The following KCNQ1 variants were observed in gnomAD, a reference collection of about 807,000 sequenced individuals.
KCNQ1 encodes potassium voltage-gated channel subfamily Q member 1.
In KCNQ1, 49 loss-of-function variants were observed where a neutral mutation model predicts 72.4. The observed-to-expected ratio is 0.68, with a 90% CI of 0.54 to 0.86. The LOEUF is 0.86. Among genes scored for constraint, KCNQ1 ranks in the 40% least tolerant of loss-of-function variants. The probability of loss-of-function intolerance (pLI) is 0.00; values close to 1 mark genes in which losing one functional copy is unlikely to be tolerated. For missense variants in KCNQ1, 790 were observed against 945.1 expected (o/e 0.84, Z 2.15); for synonymous variants, 450 against 412.6 (o/e 1.09, Z -1.10).
rs1422057435 is a variant in KCNQ1, at chr11:2,537,291, C to T, written c.477+9273C>T. Among the ~76,000 whole-genome samples the T allele has an allele frequency of 6.6e-6, 1 of 152,090 alleles. No homozygotes were observed. The highest frequency in any genetic ancestry group is 1.5e-5 in the Non-Finnish European group (1 of 68,040). On this transcript the variant is annotated intron_variant, in intron 2 of 15. Transcript: ENST00000155840. The surrounding 1 kb of genome is among the most constrained non-coding windows in gnomAD (Gnocchi z 5.2). Reference sequence around the variant, plus strand: ...CAGATTTGAGTCCTGCCATGGAGACCATGCAGCCCACAGGGCCTAAGATTT... The same window carrying T: ...CAGATTTGAGTCCTGCCATGGAGACTATGCAGCCCACAGGGCCTAAGATTT...
Position 2,817,294 on chromosome 11 carries a change from G to C in KCNQ1, c.1795-30473G>C, listed in dbSNP as rs1847635149. ...CAGTCAGATGTTTTTAACTACGTTG[G>C]ACAGAACCCACGGCGGCCCTTTCCG... On this transcript the variant is annotated intron_variant, in intron 15 of 15. Transcript: ENST00000155840. The surrounding 1 kb of genome is among the most constrained non-coding windows in gnomAD (Gnocchi z 6.1). 6.6e-6 allele frequency among the ~76,000 whole-genome samples: 1 copy of C among 152,152 alleles called. No homozygotes were observed. Among genetic ancestry groups the C allele is most frequent in the African/African-American group, 2.4e-5 (1 of 41,432 alleles).
Position 2,682,659 on chromosome 11 carries a change from T to C in KCNQ1, c.1514+20578T>C. On this transcript the variant is annotated intron_variant, in intron 11 of 15. Coordinates refer to ENST00000155840, the MANE Select transcript of KCNQ1 (RefSeq NM_000218.3). The surrounding 1 kb of genome is among the most constrained non-coding windows in gnomAD (Gnocchi z 5.8). ...CATCCCTGCTTCCCCAGGGCTCATG[T>C]CCACATGCTATTGTCCATAGAAGCT... 2.5e-6 allele frequency: 1 copy of C among 398,660 alleles called. No homozygotes were observed. Among genetic ancestry groups the C allele is most frequent in the Non-Finnish European group, 4.4e-6 (1 of 226,094 alleles). 24.7% of individuals were successfully genotyped at this position (398,660 alleles called of 1,614,324 possible).
intron 10 of KCNQ1, chr11:2,631,653 G>C (rs1291917299): frequency 2.5e-6 from 1 of 398,392 alleles, no homozygotes; most frequent in Non-Finnish European, 4.4e-6. Flanking sequence ...TCTGTTTCTT[G>C]TTACAATGAA....
intron 10 of KCNQ1, among the ~76,000 whole-genome samples, chr11:2,591,059 C>G (rs1449076781): frequency 6.6e-6 from 1 of 152,264 alleles, no homozygotes; most frequent in Non-Finnish European, 1.5e-5. Flanking sequence ...CGGACCTCTT[C>G]CCAGTGCCTG....
Position 2,744,264 on chromosome 11 carries a change from G to A in KCNQ1, c.1515-24580G>A, listed in dbSNP as rs11827607. 2.0e-3 allele frequency among the ~76,000 whole-genome samples: 298 copies of A among 152,368 alleles called. 1 individual carries two copies. The highest frequency in any genetic ancestry group is 6.3e-3 in the African/African-American group (264 of 41,582). The stretch of plus-strand genomic sequence containing the variant: ...TAGTGTCTCTGCTCAAACAGGAGAC[G>A]ATGTGGCATCGGGAACACCAATGCG... On this transcript the variant is annotated intron_variant, in intron 11 of 15. Transcript: ENST00000155840.
At chr11:2,580,812 G>A (rs1752196597) in intron 6 of KCNQ1, among the ~76,000 whole-genome samples, 1 of 152,244 alleles carries the variant, frequency 6.6e-6, no homozygotes, top group Non-Finnish European at 1.5e-5. Flanking sequence ...CCCGGACCCA[G>A]TGCTAGGAGG....
intron 15 of KCNQ1, among the ~76,000 whole-genome samples, chr11:2,810,215 A>T (rs1344365692): frequency 6.6e-6 from 1 of 152,184 alleles, no homozygotes; most frequent in Admixed American, 6.5e-5. Context: ...AGTATCTACC[A>T]TCTGGACTCA....
At position 2,623,027 on chromosome 11, in the gene KCNQ1, G is replaced by T; in HGVS notation, c.1393+34173G>T. The T allele has an allele frequency of 2.5e-6, 1 of 398,600 alleles. No homozygotes were observed. The highest frequency in any genetic ancestry group is 1.3e-4 in the South Asian group (1 of 7,776). 24.7% of individuals were successfully genotyped at this position (398,600 alleles called of 1,614,324 possible). A position where few individuals can be genotyped will look rare whatever the true frequency, so the allele number is the denominator to read the frequency against. ...TTGAACTGTAATCCCCATGTGTCAG[G>T]GGAGGGGCCTGGTGGGGGGCAAACT... On this transcript the variant is annotated intron_variant, in intron 10 of 15. Transcript: ENST00000155840. The surrounding 1 kb of genome is among the most constrained non-coding windows in gnomAD (Gnocchi z 5.2).
intron 11 of KCNQ1, among the ~76,000 whole-genome samples, chr11:2,756,968 A>C (rs1207473508): frequency 1.4e-5 from 2 of 147,836 alleles, no homozygotes; most frequent in Non-Finnish European, 3.0e-5. Context: ...AAAAAAAAAA[A>C]AAAAAAAAAA....
rs1383985926 is a variant in KCNQ1 at position 2,447,214 on chromosome 11, C to T, written c.386+1730C>T. On this transcript the variant is annotated intron_variant, in intron 1 of 15. Coordinates refer to ENST00000155840, the MANE Select transcript of KCNQ1 (RefSeq NM_000218.3). This position sits in a 1 kb window ranked among gnomAD's most constrained non-coding sequence, Gnocchi z 7.6. ...TCTTCCTCATTTGGATTGTTTAGGT[C>T]TCGGAAGTTTGCTCAGCAAGAGTCT... 2.0e-5 allele frequency among the ~76,000 whole-genome samples: 3 copies of T among 152,126 alleles called. No individual in the cohort carries two copies. Among genetic ancestry groups the T allele is most frequent in the African/African-American group, 4.8e-5 (2 of 41,408 alleles).
In KCNQ1 at chr11:2,658,468, C is replaced by G. The variant is rs1311868921; in HGVS notation, c.1394-3493C>G. On this transcript the variant is annotated intron_variant, in intron 10 of 15. Coordinates refer to ENST00000155840, the MANE Select transcript of KCNQ1 (RefSeq NM_000218.3). The surrounding 1 kb of genome is among the most constrained non-coding windows in gnomAD (Gnocchi z 4.9). ...ATGTGTCCTTTTGATGTGCCCCCCG[C>G]CATCCTTTTCATTTATTTTTAAGCA... is the stretch of plus-strand genomic sequence containing the variant. The G allele has an allele frequency of 2.5e-6, 1 of 398,356 alleles. No individual in the cohort carries two copies. The highest frequency in any genetic ancestry group is 3.6e-5 in the East Asian group (1 of 28,080). 24.7% of individuals were successfully genotyped at this position (398,356 alleles called of 1,614,324 possible). A position where few individuals can be genotyped will look rare whatever the true frequency, so the allele number is the denominator to read the frequency against.
chr11:2,569,422 G>C (rs1848293420), intron 2 of KCNQ1, among the ~76,000 whole-genome samples: 1 of 152,238 alleles, frequency 6.6e-6, no homozygotes, highest in Non-Finnish European at 1.5e-5. Flanking sequence ...GCAGTGTCCA[G>C]CTGACTGCTC....
chr11:2,455,100 C>T (rs925542806), intron 1 of KCNQ1, among the ~76,000 whole-genome samples: 1 of 142,314 alleles, frequency 7.0e-6, no homozygotes, highest in Non-Finnish European at 1.5e-5. Flanking sequence ...AAATCAGCAG[C>T]TTTTTTTTTT....
At chr11:2,487,150 G>C (rs939466389) in intron 1 of KCNQ1, among the ~76,000 whole-genome samples, 12 of 152,164 alleles carry the variant, frequency 7.9e-5, no homozygotes, top group Non-Finnish European at 1.6e-4. Context: ...TCATTGAATA[G>C]TCTTGGAACC....
At chr11:2,798,821 G>C (rs888071225) in intron 15 of KCNQ1, among the ~76,000 whole-genome samples, 6 of 152,180 alleles carry the variant, frequency 3.9e-5, no homozygotes, top group Non-Finnish European at 7.3e-5. Flanking sequence ...CGCGTTGTTT[G>C]AACTCTCGCC....
Position 2,623,566 on chromosome 11 carries a change from T to TTTA in KCNQ1, c.1393+34713_1393+34715dup, listed in dbSNP as rs1849210250. ...CCTTATTTCACATAGTAATATGTTT[T>TTTA]TTAATTACCTCCATATCTTTTCATG... is the stretch of plus-strand genomic sequence containing the variant. On this transcript the variant is annotated intron_variant, in intron 10 of 15. Transcript: ENST00000155840. This position sits in a 1 kb window ranked among gnomAD's most constrained non-coding sequence, Gnocchi z 5.2. 1 of 398,606 alleles carries TTTA rather than the reference T, an allele frequency of 2.5e-6. No homozygotes were observed. Among genetic ancestry groups the TTTA allele is most frequent in the Non-Finnish European group, 4.4e-6 (1 of 226,054 alleles). 24.7% of individuals were successfully genotyped at this position (398,606 alleles called of 1,614,324 possible).
At chr11:2,733,822 A>ACTCTCTCT (rs71029156) in intron 11 of KCNQ1, among the ~76,000 whole-genome samples, 1 of 92,424 alleles carries the variant, frequency 1.1e-5, no homozygotes, top group African/African-American at 4.5e-5. Context: ...ACACTCTCTC[A>ACTCTCTCT]CTCTCTCTCT....
intron 1 of KCNQ1, among the ~76,000 whole-genome samples, chr11:2,469,903 G>A (rs1442919886): frequency 1.3e-5 from 2 of 149,498 alleles, no homozygotes; most frequent in African/African-American, 4.9e-5. Flanking sequence ...CTCGTGATCC[G>A]CCCGCCTCAG....
rs918190336 is a variant in KCNQ1, at chr11:2,818,436, C to T, written c.1795-29331C>T. ...TGGTTCAGAGGTCCTCAGAAAGTGC[C>T]AAGAGGCCTTCCTCAGAGGAAGAGC... On this transcript the variant is annotated intron_variant, in intron 15 of 15. Coordinates refer to ENST00000155840, the MANE Select transcript of KCNQ1 (RefSeq NM_000218.3). This position sits in a 1 kb window ranked among gnomAD's most constrained non-coding sequence, Gnocchi z 7.2. 1.3e-5 allele frequency among the ~76,000 whole-genome samples: 2 copies of T among 152,176 alleles called. No homozygotes were observed. The highest frequency in any genetic ancestry group is 2.4e-5 in the African/African-American group (1 of 41,444).
Sources: allele counts gnomAD v4.1 joint callset (sites outside exome capture counted in the v4.1 genomes callset), GRCh38; gene constraint gnomAD v4.1.1; non-coding constraint Gnocchi (gnomAD v3.1); transcripts MANE v1.5; gene names NCBI Gene and HGNC (gene_info 2026-07-23, HGNC 2026-07-21).